PCDHGA11: variants seen among roughly 807,000 people sequenced by gnomAD.
The protein encoded by PCDHGA11 is protocadherin gamma-A11.
PCDHGA11 carries 39 observed loss-of-function variants against 60.4 expected under a neutral mutation model. That is an observed-to-expected ratio of 0.65 (90% CI 0.50 to 0.84). The LOEUF is 0.84. PCDHGA11 is among the 40% of genes least tolerant of loss of function. The pLI is 0.00. For synonymous variants in PCDHGA11, 533 were observed against 510.3 expected (o/e 1.04, Z -0.60); for missense variants, 1,165 against 1,197.7 (o/e 0.97, Z 0.40).
chr5:141,422,638 T>C lies in PCDHGA11; in HGVS notation c.1411T>C (p.Ser471Pro), dbSNP rs1412270971. The C allele has an allele frequency of 6.2e-7, 1 of 1,612,392 alleles. No individual in the cohort carries two copies. Among genetic ancestry groups the C allele is most frequent in the Non-Finnish European group, 8.5e-7 (1 of 1,179,130 alleles). Residue 471 changes from serine (S) to proline (P), a missense_variant, in exon 1 of 4, where the codon TCC (serine) becomes CCC (proline). Ser to Pro is a moderately conservative substitution (Grantham distance 74, BLOSUM62 -1). Coordinates refer to ENST00000398587, the MANE Select transcript of PCDHGA11 (RefSeq NM_018914.3). ...TCCCGAAAACAACCCCAGGGGTGCC[T>C]CCATCTTCTCAGTGACCGCCCTCGA... ...YIPENNPRGASIFSVTALDPD... is the reference protein window; with the variant it reads ...YIPENNPRGAPIFSVTALDPD...
intron 1 of PCDHGA11, 173 bp downstream of exon 1, chr5:141,423,833 T>G: frequency 1.8e-5 from 23 of 1,262,362 alleles, no homozygotes; most frequent in East Asian, 7.3e-5. Flanking sequence ...TTCATGAGAT[T>G]ACGATAATCT....
chr5:141,448,896 G>C (rs560617459), intron 1 of PCDHGA11, among the ~76,000 whole-genome samples: 5 of 152,302 alleles, frequency 3.3e-5, no homozygotes, highest in African/African-American at 1.2e-4. Context: ...AGTGAGCCGA[G>C]ATCGTGCCAC....
At chr5:141,483,694 C>T (rs915328297) in intron 1 of PCDHGA11, among the ~76,000 whole-genome samples, 3 of 151,952 alleles carry the variant, frequency 2.0e-5, no homozygotes, top group African/African-American at 4.8e-5. Flanking sequence ...AGCCAGATTC[C>T]TCTTTTTGAC....
At position 141,460,491 on chromosome 5, in the gene PCDHGA11, A is replaced by G. The variant is rs544539917; in HGVS notation, c.2434-34316A>G. Among the ~76,000 whole-genome samples, 240 of 152,272 alleles carry G rather than the reference A, an allele frequency of 1.6e-3. 1 individual carries two copies. Among genetic ancestry groups the G allele is most frequent in the Non-Finnish European group, 2.6e-3 (177 of 68,014 alleles). On this transcript the variant is annotated intron_variant, in intron 1 of 3. Transcript: ENST00000398587. ...AAGGAATATCCAATTGTCTCTTTGG[A>G]AAAATATGCTGAGAAGGCTATCTTT...
At chr5:141,430,786 C>G (rs992448490) in intron 1 of PCDHGA11, 1 of 1,513,352 alleles carries the variant, frequency 6.6e-7, no homozygotes, top group Non-Finnish European at 8.8e-7. Context: ...TGCACCGGGA[C>G]TACAAAGGGC....
chr5:141,433,508 A>G (rs2097615565), intron 1 of PCDHGA11, among the ~76,000 whole-genome samples: 1 of 152,068 alleles, frequency 6.6e-6, no homozygotes, highest in Non-Finnish European at 1.5e-5. Context: ...TGCTGGGATT[A>G]CAGGCGTGAA....
Position 141,431,697 on chromosome 5 carries a change from G to A in PCDHGA11, c.2433+8037G>A. The A allele has an allele frequency of 6.2e-7, 1 of 1,614,206 alleles. No homozygotes were observed. Among genetic ancestry groups the A allele is most frequent in the South Asian group, 1.1e-5 (1 of 91,084 alleles). On this transcript the variant is annotated intron_variant, in intron 1 of 3. Transcript: ENST00000398587. This position sits in a 1 kb window ranked among gnomAD's most constrained non-coding sequence, Gnocchi z 4.8. Reference sequence around the variant, plus strand: ...GGGGAGTTGGACCACGAGGAGTCAGGATTCTACCAGATGGAAGTGCAAGCA... The same window carrying A: ...GGGGAGTTGGACCACGAGGAGTCAGAATTCTACCAGATGGAAGTGCAAGCA...
chr5:141,472,045 TA>T (rs1227282207), intron 1 of PCDHGA11, among the ~76,000 whole-genome samples: 3 of 152,170 alleles, frequency 2.0e-5, no homozygotes, highest in Non-Finnish European at 4.4e-5. Flanking sequence ...GAAAAGATTT[TA>T]AAAATGATTG....
At chr5:141,433,926 A>T (rs2154556019) in intron 1 of PCDHGA11, among the ~76,000 whole-genome samples, 1 of 151,830 alleles carries the variant, frequency 6.6e-6, no homozygotes, top group African/African-American at 2.4e-5. Context: ...CCAAATGAAG[A>T]TTTTATAATT....
intron 1 of PCDHGA11, among the ~76,000 whole-genome samples, chr5:141,457,215 T>C (rs1356941645): frequency 1.3e-5 from 2 of 152,186 alleles, no homozygotes; most frequent in South Asian, 2.1e-4. Flanking sequence ...AAATGTGGTG[T>C]GGTAGGTAAT....
At chr5:141,456,647 C>G (rs773458307) in intron 1 of PCDHGA11, among the ~76,000 whole-genome samples, 2 of 152,152 alleles carry the variant, frequency 1.3e-5, no homozygotes, top group African/African-American at 4.8e-5. Context: ...AGGTGTTAAT[C>G]CCAAAGAAGC....
In PCDHGA11 at chr5:141,491,443, G is replaced by C. The variant is rs955584868; in HGVS notation, c.2434-3364G>C. On this transcript the variant is annotated intron_variant, in intron 1 of 3. Transcript: ENST00000398587. This position sits in a 1 kb window ranked among gnomAD's most constrained non-coding sequence, Gnocchi z 6.9. ...TGGAGGGCAGTGCTGCAGGCGCCAG[G>C]ACTCACCCTCCCCGGACTTCTATAA... 1 of 1,613,998 alleles carries C rather than the reference G, an allele frequency of 6.2e-7. No homozygotes were observed. Among genetic ancestry groups the C allele is most frequent in the Admixed American group, 1.7e-5 (1 of 60,000 alleles).
intron 2 of PCDHGA11, among the ~76,000 whole-genome samples, chr5:141,504,039 AC>A (rs1396515708): frequency 6.6e-6 from 1 of 152,184 alleles, no homozygotes; most frequent in African/African-American, 2.4e-5. Context: ...CATTTAGGCA[AC>A]AAATATTTAT....
chr5:141,466,344 T>G (rs1036472951), intron 1 of PCDHGA11, among the ~76,000 whole-genome samples: 5 of 152,106 alleles, frequency 3.3e-5, no homozygotes, highest in African/African-American at 4.8e-5. Flanking sequence ...ATAATTTTTT[T>G]GCAGCTAATC....
In PCDHGA11 at chr5:141,432,751, G is replaced by A; in HGVS notation, c.2433+9091G>A. The A allele has an allele frequency of 6.2e-7, 1 of 1,614,130 alleles. No homozygotes were observed. Among genetic ancestry groups the A allele is most frequent in the Non-Finnish European group, 8.5e-7 (1 of 1,179,982 alleles). Reference sequence around the variant, plus strand: ...CCACTGTCACGCTCACCGTGGCCGTGGCCGACAGCATCCCCCAAGTCCTGG... The same window carrying A: ...CCACTGTCACGCTCACCGTGGCCGTAGCCGACAGCATCCCCCAAGTCCTGG... On this transcript the variant is annotated intron_variant, in intron 1 of 3. Transcript: ENST00000398587. This position sits in a 1 kb window ranked among gnomAD's most constrained non-coding sequence, Gnocchi z 6.0.
At chr5:141,479,206 T>C (rs987807222) in intron 1 of PCDHGA11, 3 of 152,400 alleles carry the variant, frequency 2.0e-5, no homozygotes, top group African/African-American at 7.2e-5. Context: ...CAGAAAAGTA[T>C]TTAAAAAATT....
rs776737236 is a variant in PCDHGA11, at chr5:141,431,439, G to T, written c.2433+7779G>T. 20 of 1,613,724 alleles carry T rather than the reference G, an allele frequency of 1.2e-5. No individual in the cohort carries two copies. The highest frequency in any genetic ancestry group is 4.5e-5 in the East Asian group (2 of 44,888). Reference sequence around the variant, plus strand: ...GACCCGGTGCGCACAGGCACCGCGCGCATCCGCGTGATGGTTCTGGATGCG... The same window carrying T: ...GACCCGGTGCGCACAGGCACCGCGCTCATCCGCGTGATGGTTCTGGATGCG... On this transcript the variant is annotated intron_variant, in intron 1 of 3. Coordinates refer to ENST00000398587, the MANE Select transcript of PCDHGA11 (RefSeq NM_018914.3). This position sits in a 1 kb window ranked among gnomAD's most constrained non-coding sequence, Gnocchi z 4.8.
At chr5:141,444,434 G>A (rs761353277) in intron 1 of PCDHGA11, among the ~76,000 whole-genome samples, 16 of 152,196 alleles carry the variant, frequency 1.1e-4, no homozygotes, top group Admixed American at 7.2e-4. Flanking sequence ...GCCTCCCAAA[G>A]TGCTGGGATT....
chr5:141,476,328 G>C lies in PCDHGA11; in HGVS notation c.2434-18479G>C, dbSNP rs1381722714. On this transcript the variant is annotated intron_variant, in intron 1 of 3. Coordinates refer to ENST00000398587, the MANE Select transcript of PCDHGA11 (RefSeq NM_018914.3). This position sits in a 1 kb window ranked among gnomAD's most constrained non-coding sequence, Gnocchi z 7.6. Reference sequence around the variant, plus strand: ...GCCCGCAGGTTCCGGGTGGTGTCTGGAGCTAGCCGAAGATTCTTTGAGGTG... The same window carrying C: ...GCCCGCAGGTTCCGGGTGGTGTCTGCAGCTAGCCGAAGATTCTTTGAGGTG... 1 of 1,614,176 alleles carries C rather than the reference G, an allele frequency of 6.2e-7. No individual in the cohort carries two copies. Among genetic ancestry groups the C allele is most frequent in the East Asian group, 2.2e-5 (1 of 44,864 alleles).
Sources: allele counts gnomAD v4.1 joint callset (sites outside exome capture counted in the v4.1 genomes callset), GRCh38; gene constraint gnomAD v4.1.1; non-coding constraint Gnocchi (gnomAD v3.1); transcripts MANE v1.5; gene names NCBI Gene and HGNC (gene_info 2026-07-23, HGNC 2026-07-21).